Variants in NRXN1 observed in about 807,000 individuals in gnomAD.
The protein encoded by NRXN1 is neurexin-1.
NRXN1 carries 39 observed loss-of-function variants against 150.9 expected under a neutral mutation model. The ratio of observed to expected loss-of-function variants is 0.26; its 90% CI spans 0.20 to 0.34. The LOEUF (loss-of-function observed/expected upper bound fraction) is 0.34. Ranked by LOEUF, NRXN1 falls within the 10% of genes least tolerant of loss-of-function variation. The probability of loss-of-function intolerance (pLI) is 1.00; values close to 1 mark genes in which losing one functional copy is unlikely to be tolerated. For synonymous variants in NRXN1, 924 were observed against 757.0 expected (o/e 1.22, Z -3.62); for missense variants, 1,815 against 1,949.9 (o/e 0.93, Z 1.30).
At chr2:50,316,488 T>A (rs2075617658) in intron 17 of NRXN1, among the ~76,000 whole-genome samples, 1 of 152,036 alleles carries the variant, frequency 6.6e-6, no homozygotes, top group African/African-American at 2.4e-5. Context: ...AGTATAGCCA[T>A]TTGCACAATA....
intron 5 of NRXN1, among the ~76,000 whole-genome samples, chr2:50,681,410 T>A (rs181965939): frequency 6.6e-6 from 1 of 152,330 alleles, no homozygotes; most frequent in Non-Finnish European, 1.5e-5. Flanking sequence ...CTTATGCTTC[T>A]ATTTTGGGAG....
chr2:50,277,747 G>C (rs1390957590), intron 17 of NRXN1, among the ~76,000 whole-genome samples: 2 of 152,024 alleles, frequency 1.3e-5, no homozygotes, highest in Non-Finnish European at 2.9e-5. Context: ...ACAGTGCTTT[G>C]TGTCTGTTTA....
At chr2:50,872,706 A>C (rs1351376078) in intron 5 of NRXN1, among the ~76,000 whole-genome samples, 1 of 151,868 alleles carries the variant, frequency 6.6e-6, no homozygotes, top group Non-Finnish European at 1.5e-5. Context: ...TAATCCCAGC[A>C]CTTTGGGAGG....
At chr2:50,335,822 T>G (rs1217436) in intron 17 of NRXN1, among the ~76,000 whole-genome samples, 58,610 of 151,806 alleles carry the variant, frequency 0.39, 12,311 homozygotes, top group African/African-American at 0.54. Flanking sequence ...CAGTCTAGAA[T>G]GATAAGAATG....
intron 18 of NRXN1, among the ~76,000 whole-genome samples, chr2:50,143,091 A>C (rs1707504774): frequency 6.6e-6 from 1 of 151,924 alleles, no homozygotes; most frequent in Non-Finnish European, 1.5e-5. Flanking sequence ...AAACCAAGAA[A>C]TATGAACACA....
At chr2:50,751,602 G>A (rs190929954) in intron 5 of NRXN1, among the ~76,000 whole-genome samples, 6 of 151,814 alleles carry the variant, frequency 4.0e-5, no homozygotes, top group East Asian at 1.9e-4. Context: ...GCCCATCTTC[G>A]GTCAGCACAT....
At chr2:50,584,286 A>G (rs1423841011) in intron 8 of NRXN1, among the ~76,000 whole-genome samples, 2 of 152,160 alleles carry the variant, frequency 1.3e-5, no homozygotes, top group Admixed American at 1.3e-4. Flanking sequence ...ATATGCTAAA[A>G]AGATATCCTT....
intron 15 of NRXN1, among the ~76,000 whole-genome samples, chr2:50,481,794 C>T (rs1252055424): frequency 1.2e-5 from 1 of 85,076 alleles, no homozygotes; most frequent in Non-Finnish European, 1.9e-5. Context: ...GAGACGGAGT[C>T]TCGCTCTGTC....
At chr2:50,163,245 C>A (rs2059474239) in intron 18 of NRXN1, among the ~76,000 whole-genome samples, 1 of 150,494 alleles carries the variant, frequency 6.6e-6, no homozygotes, top group African/African-American at 2.4e-5. Flanking sequence ...TTTCCAAATG[C>A]TTCTTTAGCC....
chr2:50,115,989 T>C (rs114482458), intron 18 of NRXN1, among the ~76,000 whole-genome samples: 2,058 of 152,206 alleles, frequency 0.014, 60 homozygotes, highest in African/African-American at 0.048. Context: ...TCATATTTCT[T>C]CCCTAATTGA....
At chr2:50,750,581 G>A (rs1465229307) in intron 5 of NRXN1, among the ~76,000 whole-genome samples, 1 of 151,848 alleles carries the variant, frequency 6.6e-6, no homozygotes, top group African/African-American at 2.4e-5. Flanking sequence ...CCCTAGAGCT[G>A]AAAGTATAAT....
At chr2:50,524,201 G>A (rs1033325645) in intron 12 of NRXN1, among the ~76,000 whole-genome samples, 4 of 152,112 alleles carry the variant, frequency 2.6e-5, no homozygotes, top group Non-Finnish European at 1.5e-5. Context: ...CCCTGAGGAC[G>A]GGTGTGGTGG....
At chr2:50,074,657 TTTGATAATCTTGACAAATTGGTCTC>T (rs1696788085) in intron 19 of NRXN1, among the ~76,000 whole-genome samples, 1 of 152,172 alleles carries the variant, frequency 6.6e-6, no homozygotes, top group Non-Finnish European at 1.5e-5. Flanking sequence ...TGCAGGATGA[TTTGATAATCTTGACAAATTGGTCTC>T]TTGAGCTCTA....
intron 18 of NRXN1, among the ~76,000 whole-genome samples, chr2:50,219,953 A>ATC (rs1491227131): frequency 3.2e-5 from 2 of 62,454 alleles, no homozygotes; most frequent in Non-Finnish European, 5.5e-5. Flanking sequence ...TTATATATAT[A>ATC]ATATATATAT....
At chr2:50,089,773 T>A (rs1375054528) in intron 19 of NRXN1, among the ~76,000 whole-genome samples, 1 of 146,220 alleles carries the variant, frequency 6.8e-6, no homozygotes, top group Non-Finnish European at 1.5e-5. Flanking sequence ...GGCAAAAGAG[T>A]GAGACCTTGC....
At chr2:50,916,372 T>C (rs1574921553) in intron 5 of NRXN1, among the ~76,000 whole-genome samples, 1 of 151,396 alleles carries the variant, frequency 6.6e-6, no homozygotes, top group African/African-American at 2.4e-5. Context: ...CAAATTTATC[T>C]AGTTTAAGAG....
chr2:50,310,399 G>A (rs571034133), intron 17 of NRXN1, among the ~76,000 whole-genome samples: 12 of 152,124 alleles, frequency 7.9e-5, no homozygotes, highest in South Asian at 2.1e-4. Flanking sequence ...CATTCAGAAC[G>A]AGGCTTTGAA....
chr2:50,630,367 G>T (rs1269495135), intron 5 of NRXN1, among the ~76,000 whole-genome samples: 1 of 151,596 alleles, frequency 6.6e-6, no homozygotes, highest in Non-Finnish European at 1.5e-5. Flanking sequence ...AACAAAGATA[G>T]GTTAAATGAC....
At position 50,087,059 on chromosome 2, in the gene NRXN1, C is replaced by T. The variant is rs117722848; in HGVS notation, c.3718+4264G>A. ...CTAAATGAATGCATGCTTGAAAAGA[C>T]CTAAATCTAATTTGCTACTGATTTC... On this transcript the variant is annotated intron_variant, in intron 19 of 22. Transcript: ENST00000401669. Among the ~76,000 whole-genome samples the T allele has an allele frequency of 5.3e-4, 80 of 152,192 alleles. 1 individual carries two copies. The East Asian group carries it at 8.9e-3, about 17-fold the overall frequency.
Sources: gnomAD v4.1 joint callset for allele counts (sites outside exome capture counted in the v4.1 genomes callset) on GRCh38, gnomAD v4.1.1 for gene constraint, MANE v1.5 for transcripts, NCBI Gene and HGNC (gene_info 2026-07-23, HGNC 2026-07-21) for gene names.